The following DLGAP5 variants were observed in gnomAD, a reference collection of about 807,000 sequenced individuals.
DLGAP5 encodes the protein DLG associated protein 5.
DLGAP5 carries 90 observed loss-of-function variants against 99.6 expected under a neutral mutation model. The ratio of observed to expected loss-of-function variants is 0.90; its 90% CI spans 0.76 to 1.08. The LOEUF (loss-of-function observed/expected upper bound fraction) is 1.08, where lower values mean the gene tolerates loss of function less well. DLGAP5 is among the 50% of genes least tolerant of loss of function. The pLI is 0.00. For synonymous variants in DLGAP5, 311 were observed against 321.3 expected (o/e 0.97, Z 0.34); for missense variants, 1,036 against 983.5 (o/e 1.05, Z -0.71).
intron 6 of DLGAP5, 88 bp downstream of exon 6, chr14:55,180,568 G>A: frequency 6.4e-7 from 1 of 1,559,614 alleles, no homozygotes; most frequent in East Asian, 2.3e-5. Flanking sequence ...CCTACTCAAA[G>A]AAGTACTTGT....
intron 13 of DLGAP5, among the ~76,000 whole-genome samples, chr14:55,158,959 A>G (rs757555622): frequency 3.9e-5 from 6 of 152,162 alleles, no homozygotes; most frequent in Non-Finnish European, 5.9e-5. Context: ...GCAGCTTAGT[A>G]GAAGATCTGG....
At position 55,170,714 on chromosome 14, in the gene DLGAP5, T is replaced by C; in HGVS notation, c.1375A>G (p.Ile459Val). Residue 459 changes from isoleucine to valine, a missense_variant, in exon 11 of 19, where the codon ATT (isoleucine) becomes GTT (valine). By Grantham distance (29) the Ile-to-Val change is conservative. Transcript: ENST00000247191. ...AATGTTGCCTCACCATCATCTGGAA[T>C]GTCCAATTCAAGTTTCCTGTCCCAC... The part of the protein sequence containing the change: ...FEWDRKLELD[I>V]PDDAKDLIRT... The C allele has an allele frequency of 2.5e-6, 4 of 1,613,206 alleles. No individual in the cohort carries two copies. Among genetic ancestry groups the C allele is most frequent in the South Asian group, 1.1e-5 (1 of 91,012 alleles).
At chr14:55,174,186 G>A (rs773619016) in intron 10 of DLGAP5, among the ~76,000 whole-genome samples, 11 of 152,156 alleles carry the variant, frequency 7.2e-5, no homozygotes, top group Non-Finnish European at 1.3e-4. Context: ...GGGCGTGGCC[G>A]TCTCTTACTG....
rs760578820 is a variant in DLGAP5 at position 55,183,707 on chromosome 14, T to G, written c.285A>C (p.Gln95His). The stretch of plus-strand genomic sequence containing the variant: ...GAAGTTGCTTTTCTTCTTTGTATTT[T>G]TGGAGCATCTGTTTTCGTTGATCAC... ...ILGDQRKQML[Q>H]KYKEEKQLQK... The change falls in exon 3 of 19, where the codon CAA (glutamine) becomes CAC (histidine). Residue 95 changes from glutamine to histidine, a missense_variant. Gln to His is a conservative substitution (Grantham distance 24). Transcript: ENST00000247191. The G allele has an allele frequency of 5.0e-6, 8 of 1,608,746 alleles. No homozygotes were observed. The highest frequency in any genetic ancestry group is 1.7e-5 in the Admixed American group (1 of 58,808).
At chr14:55,186,179 G>T (rs1006669483) in intron 2 of DLGAP5, among the ~76,000 whole-genome samples, 2 of 152,182 alleles carry the variant, frequency 1.3e-5, no homozygotes, top group African/African-American at 4.8e-5. Context: ...GCTGAGGCAG[G>T]AGAATCACTT....
rs1566506162 is a variant in DLGAP5, at chr14:55,178,618, T to C, written c.774+1011A>G. Among the ~76,000 whole-genome samples, 10 of 152,218 alleles carry C rather than the reference T, an allele frequency of 6.6e-5. No individual in the cohort carries two copies. In the South Asian group the frequency reaches 2.1e-3, roughly 31 times the overall value. Reference sequence around the variant, plus strand: ...ACTAGTGATAATCCTTAAGGGTTAATCTTAAGGGGGGACCTATAAGGTCCA... The same window carrying C: ...ACTAGTGATAATCCTTAAGGGTTAACCTTAAGGGGGGACCTATAAGGTCCA... On this transcript the variant is annotated intron_variant, in intron 7 of 18. Transcript: ENST00000247191.
intron 11 of DLGAP5, 24 bp downstream of exon 11, chr14:55,170,678 C>CA: frequency 6.3e-7 from 1 of 1,589,088 alleles, no homozygotes; most frequent in Non-Finnish European, 8.6e-7. Context: ...ACAAAGCAAA[C>CA]AAAAAATACA....
rs773872088 is a variant in DLGAP5 at position 55,158,721 on chromosome 14, TA to T, written c.1673del (p.Ile558LysfsTer19). ...CATCATCCTGTTTTGGTTTACTTGCTATACCTGAGACAACTTTTTTCTGCAA... is the reference window on the plus strand; with the variant it reads ...CATCATCCTGTTTTGGTTTACTTGCTTACCTGAGACAACTTTTTTCTGCAA... Reference protein sequence around the residue: ...NVFRKKVVSGIASKPKQDDAG... With the variant: ...NVFRKKVVSGXASKPKQDDAG... On this transcript the variant is annotated frameshift_variant, in exon 14 of 19. Transcript: ENST00000247191. LOFTEE classifies it high-confidence loss of function. 6.2e-7 allele frequency: 1 copy of T among 1,613,924 alleles called. No homozygotes were observed. Among genetic ancestry groups the T allele is most frequent in the Non-Finnish European group, 8.5e-7 (1 of 1,179,870 alleles).
At chr14:55,166,634 C>T (rs1464711578) in intron 12 of DLGAP5, among the ~76,000 whole-genome samples, 1 of 151,638 alleles carries the variant, frequency 6.6e-6, no homozygotes, top group Admixed American at 6.6e-5. Context: ...GAGACTGAGG[C>T]AGGAGAATCG....
At position 55,167,822 on chromosome 14, in the gene DLGAP5, C is replaced by T. The variant is rs187609029; in HGVS notation, c.1548+1577G>A. Among the ~76,000 whole-genome samples the T allele has an allele frequency of 5.7e-4, 87 of 152,318 alleles. 1 individual carries two copies. The highest frequency in any genetic ancestry group is 6.8e-3 in the Middle Eastern group (2 of 294). ...TATTGCTGTTGAGAGATCAATGCTA[C>T]TCTAACCATTGATGCTTTGTATAAA... On this transcript the variant is annotated intron_variant, in intron 12 of 18. Transcript: ENST00000247191.
intron 11 of DLGAP5, among the ~76,000 whole-genome samples, 153 bp from the exon 12 acceptor site, chr14:55,169,712 ATACTGAG>A (rs767120738): frequency 2.0e-4 from 31 of 152,372 alleles, no homozygotes; most frequent in Non-Finnish European, 3.2e-4. Flanking sequence ...TGTCATACAA[ATACTGAG>A]TACTAACTAT....
At chr14:55,177,415 A>C (rs1427302840) in intron 7 of DLGAP5, 79 bp from the exon 8 acceptor site, 1 of 1,290,338 alleles carries the variant, frequency 7.7e-7, no homozygotes, top group African/African-American at 1.5e-5. Context: ...AGGTCTGAAA[A>C]TATGACAACA....
chr14:55,166,536 C>A (rs1273759704), intron 12 of DLGAP5, among the ~76,000 whole-genome samples: 1 of 151,936 alleles, frequency 6.6e-6, no homozygotes, highest in Non-Finnish European at 1.5e-5. Context: ...TTAAGACCAG[C>A]CTGACCAACA....
chr14:55,175,578 A>C, intron 9 of DLGAP5, 106 bp from the exon 10 acceptor site: 1 of 783,128 alleles, frequency 1.3e-6, no homozygotes, highest in East Asian at 2.9e-5. Context: ...TTAATTTTAA[A>C]ATTTTATTTC....
intron 8 of DLGAP5, among the ~76,000 whole-genome samples, chr14:55,176,574 C>CA (rs1315520731): frequency 6.6e-6 from 1 of 151,398 alleles, no homozygotes; most frequent in Non-Finnish European, 1.5e-5. Context: ...TAAAAACTGT[C>CA]AATTACATTA....
intron 10 of DLGAP5, among the ~76,000 whole-genome samples, chr14:55,174,980 C>T (rs1032833125): frequency 3.3e-5 from 5 of 152,228 alleles, no homozygotes; most frequent in Middle Eastern, 3.4e-3. Context: ...TGAGCCACCG[C>T]GCCCAGCCTA....
intron 12 of DLGAP5, among the ~76,000 whole-genome samples, chr14:55,163,373 T>G (rs1177777245): frequency 6.6e-6 from 1 of 152,246 alleles, no homozygotes; most frequent in Non-Finnish European, 1.5e-5. Flanking sequence ...TGTTGTTTCT[T>G]AAATTACACA....
chr14:55,168,398 GAAT>G (rs1257166058), intron 12 of DLGAP5, among the ~76,000 whole-genome samples: 1 of 152,166 alleles, frequency 6.6e-6, no homozygotes, highest in African/African-American at 2.4e-5. Context: ...GTCTCTTTGA[GAAT>G]ATGAATACTT....
chr14:55,190,258 C>T (rs952813441), intron 1 of DLGAP5, among the ~76,000 whole-genome samples: 2 of 149,024 alleles, frequency 1.3e-5, no homozygotes, highest in Non-Finnish European at 2.9e-5. Flanking sequence ...AACACGACCC[C>T]GTCTCTATAA....
Sources: allele counts gnomAD v4.1 joint callset (sites outside exome capture counted in the v4.1 genomes callset), GRCh38; gene constraint gnomAD v4.1.1; transcripts MANE v1.5; gene names NCBI Gene and HGNC (gene_info 2026-07-23, HGNC 2026-07-21).